SCD5: variants seen among roughly 807,000 people sequenced by gnomAD.
SCD5 encodes the protein stearoyl-CoA desaturase 5.
In SCD5, 20 loss-of-function variants were observed where a neutral mutation model predicts 30.4. That is an observed-to-expected ratio of 0.66 (90% CI 0.46 to 0.96). The LOEUF (loss-of-function observed/expected upper bound fraction) is 0.96. SCD5 is among the 40% of genes least tolerant of loss of function. The pLI, the probability that SCD5 is intolerant of heterozygous loss-of-function variation, is 0.00. For synonymous variants in SCD5, 173 were observed against 176.4 expected (o/e 0.98, Z 0.16); for missense variants, 381 against 443.3 (o/e 0.86, Z 1.26).
chr4:82,681,080 G>A lies in SCD5; in HGVS notation c.364-168C>T, dbSNP rs1054652464. Among the ~76,000 whole-genome samples the A allele has an allele frequency of 3.9e-5, 6 of 151,984 alleles. No homozygotes were observed. The East Asian group carries it at 1.2e-3, about 29-fold the overall frequency. On this transcript the variant is annotated intron_variant, in intron 2 of 4. Coordinates refer to ENST00000319540, the MANE Select transcript of SCD5 (RefSeq NM_001037582.3). ...CTCAAGTTCAATCCCCTGTGGTCTG[G>A]AGTGGTTTTCATCAGAACAAGAGTA...
intron 1 of SCD5, among the ~76,000 whole-genome samples, chr4:82,732,039 C>T (rs1420753221): frequency 6.6e-6 from 1 of 152,150 alleles, no homozygotes; most frequent in Non-Finnish European, 1.5e-5. Context: ...CCATTACCTC[C>T]ATCTTTGCTC....
intron 4 of SCD5, among the ~76,000 whole-genome samples, chr4:82,632,242 G>C (rs188940369): frequency 4.2e-5 from 6 of 141,542 alleles, no homozygotes; most frequent in African/African-American, 1.1e-4. Context: ...GTGTCCAAGC[G>C]TTCTCACTGT....
chr4:82,692,648 G>T, intron 2 of SCD5, among the ~76,000 whole-genome samples: 1 of 152,230 alleles, frequency 6.6e-6, no homozygotes, highest in East Asian at 1.9e-4. Flanking sequence ...CTGCTGGGGG[G>T]TGCCACAGTG....
In SCD5 at chr4:82,740,244, C is replaced by A. The variant is rs183660782; in HGVS notation, c.233-34831G>T. Among the ~76,000 whole-genome samples, 42 of 152,348 alleles carry A rather than the reference C, an allele frequency of 2.8e-4. 1 individual carries two copies. The East Asian group carries it at 6.9e-3, about 25-fold the overall frequency. ...TAATCAACTTGATTCCCTCTTCTGT[C>A]ATTCACCTCTTCCAGAAACCTGGAA... On this transcript the variant is annotated intron_variant, in intron 1 of 4. Coordinates refer to ENST00000319540, the MANE Select transcript of SCD5 (RefSeq NM_001037582.3).
intron 1 of SCD5, among the ~76,000 whole-genome samples, chr4:82,756,813 C>G (rs1321344271): frequency 6.6e-6 from 1 of 152,082 alleles, no homozygotes; most frequent in Admixed American, 6.5e-5. Flanking sequence ...GTCTTGCCCC[C>G]CTCAAATCCA....
chr4:82,708,801 A>ACAGC (rs1720018529), intron 1 of SCD5, among the ~76,000 whole-genome samples: 1 of 152,232 alleles, frequency 6.6e-6, no homozygotes, highest in East Asian at 1.9e-4. Flanking sequence ...AAAGAGATGG[A>ACAGC]CAGCCCCCTT....
chr4:82,728,406 G>A (rs923264574), intron 1 of SCD5, among the ~76,000 whole-genome samples: 1 of 152,156 alleles, frequency 6.6e-6, no homozygotes, highest in Non-Finnish European at 1.5e-5. Flanking sequence ...AGGATTATGA[G>A]AGGGGCCTCA....
Position 82,632,577 on chromosome 4 carries a change from G to A in SCD5, c.803-1060C>T, listed in dbSNP as rs184644062. Among the ~76,000 whole-genome samples, 302 of 152,270 alleles carry A rather than the reference G, an allele frequency of 2.0e-3. 1 individual carries two copies. Among genetic ancestry groups the A allele is most frequent in the East Asian group, 7.9e-3 (41 of 5,178 alleles). On this transcript the variant is annotated intron_variant, in intron 4 of 4. Coordinates refer to ENST00000319540, the MANE Select transcript of SCD5 (RefSeq NM_001037582.3). ...AGTAATGGGATGGCTGGGTCAAATG[G>A]TATTTCTAGTTCTAGATCCTTGAGG...
chr4:82,742,701 C>T (rs972016305), intron 1 of SCD5, among the ~76,000 whole-genome samples: 2 of 152,284 alleles, frequency 1.3e-5, no homozygotes, highest in East Asian at 1.9e-4. Context: ...GCATGAGAAT[C>T]GCTTGAACCT....
At chr4:82,633,082 C>T (rs1727354750) in intron 4 of SCD5, among the ~76,000 whole-genome samples, 1 of 152,124 alleles carries the variant, frequency 6.6e-6, no homozygotes, top group South Asian at 2.1e-4. Context: ...TTACAGTAGA[C>T]CTCTTGAACT....
At chr4:82,741,222 A>G (rs1720865464) in intron 1 of SCD5, among the ~76,000 whole-genome samples, 1 of 151,836 alleles carries the variant, frequency 6.6e-6, no homozygotes, top group African/African-American at 2.4e-5. Context: ...ACAGGCATGA[A>G]CCACTGCGCC....
Position 82,631,358 on chromosome 4 carries a change from C to T in SCD5, c.962G>A (p.Arg321Gln), listed in dbSNP as rs368870805. ...ACTGCTGTCTCCAGTCCTGGCCTTC[C>T]GGGCCTCGATCATCGGCTTGGTTGC... ...KRATKPMIEA[R>Q]KARTGDSSA Residue 321 changes from arginine (R) to glutamine (Q), a missense_variant, in exon 5 of 5, where the codon CGG (arginine) becomes CAG (glutamine). Transcript: ENST00000319540. The T allele has an allele frequency of 1.3e-5, 21 of 1,613,908 alleles. No individual in the cohort carries two copies. The highest frequency in any genetic ancestry group is 2.2e-5 in the South Asian group (2 of 91,060).
intron 3 of SCD5, among the ~76,000 whole-genome samples, chr4:82,648,943 G>A (rs4618306): frequency 0.76 from 115,367 of 152,012 alleles, 44,642 homozygotes; most frequent in East Asian, 0.99. Context: ...GTGCTTTGGC[G>A]TTTCGAGGAT....
At chr4:82,666,482 T>C (rs1012783872) in intron 3 of SCD5, among the ~76,000 whole-genome samples, 1 of 150,136 alleles carries the variant, frequency 6.7e-6, no homozygotes. Context: ...GCCACTGCAC[T>C]CCAGCCTGGG....
rs114169364 is a variant in SCD5 at position 82,713,333 on chromosome 4, C to T, written c.233-7920G>A. ...CCTGGTTGATTTACAGCTTATATAGCAATAAGCATGAAAGTCATAGCAGAT... is the reference window on the plus strand; with the variant it reads ...CCTGGTTGATTTACAGCTTATATAGTAATAAGCATGAAAGTCATAGCAGAT... On this transcript the variant is annotated intron_variant, in intron 1 of 4. Coordinates refer to ENST00000319540, the MANE Select transcript of SCD5 (RefSeq NM_001037582.3). Among the ~76,000 whole-genome samples, 1,102 of 152,224 alleles carry T rather than the reference C, an allele frequency of 7.2e-3. 12 individuals are homozygous for T. The highest frequency in any genetic ancestry group is 0.025 in the African/African-American group (1,045 of 41,546).
intron 2 of SCD5, among the ~76,000 whole-genome samples, chr4:82,700,358 G>T (rs1719802296): frequency 6.6e-6 from 1 of 152,026 alleles, no homozygotes; most frequent in African/African-American, 2.4e-5. Flanking sequence ...TACACTTAGG[G>T]TTTACACCAT....
chr4:82,699,385 C>T (rs1032254719), intron 2 of SCD5, among the ~76,000 whole-genome samples: 7 of 152,022 alleles, frequency 4.6e-5, no homozygotes, highest in African/African-American at 7.2e-5. Flanking sequence ...GGGGCATTAT[C>T]AATGACTTTT....
chr4:82,655,436 T>C (rs1260343698), intron 3 of SCD5, among the ~76,000 whole-genome samples: 1 of 152,232 alleles, frequency 6.6e-6, no homozygotes, highest in Non-Finnish European at 1.5e-5. Context: ...AGGTTTGTGC[T>C]AAAGTTCTGA....
rs775898729 is a variant in SCD5, at chr4:82,631,354, C to A, written c.966G>T (p.Lys322Asn). The A allele has an allele frequency of 1.2e-6, 2 of 1,614,120 alleles. No homozygotes were observed. The highest frequency in any genetic ancestry group is 1.7e-6 in the Non-Finnish European group (2 of 1,180,018). Residue 322 changes from lysine to asparagine, a missense_variant, in exon 5 of 5, where the codon AAG (lysine) becomes AAT (asparagine). By Grantham distance (94) the Lys-to-Asn change is moderately conservative (BLOSUM62 0). Coordinates refer to ENST00000319540, the MANE Select transcript of SCD5 (RefSeq NM_001037582.3). ...RATKPMIEAR[K>N]ARTGDSSA ...AAGCACTGCTGTCTCCAGTCCTGGC[C>A]TTCCGGGCCTCGATCATCGGCTTGG...
Sources: allele counts gnomAD v4.1 joint callset (sites outside exome capture counted in the v4.1 genomes callset), GRCh38; gene constraint gnomAD v4.1.1; transcripts MANE v1.5; gene names NCBI Gene and HGNC (gene_info 2026-07-23, HGNC 2026-07-21).